THSD7B: variants seen among roughly 807,000 people sequenced by gnomAD.
THSD7B encodes thrombospondin type-1 domain-containing protein 7B.
THSD7B carries 138 observed loss-of-function variants against 213.6 expected under a neutral mutation model. The ratio of observed to expected loss-of-function variants is 0.65; its 90% CI spans 0.56 to 0.74. THSD7B has a LOEUF of 0.74. Among genes scored for constraint, THSD7B ranks in the 30% least tolerant of loss-of-function variants. The pLI is 0.00. For missense variants in THSD7B, 1,931 were observed against 1,991.5 expected, an observed-to-expected ratio of 0.97 and a Z score of 0.58; for synonymous variants, 742 against 687.0, an observed-to-expected ratio of 1.08 and a Z score of -1.25.
At chr2:137,046,986 C>T (rs1277413524) in intron 2 of THSD7B, among the ~76,000 whole-genome samples, 3 of 152,086 alleles carry the variant, frequency 2.0e-5, no homozygotes, top group African/African-American at 7.2e-5. Context: ...GAGCTTTTCA[C>T]ATGAAAATGA....
At chr2:137,242,791 C>T (rs1681941947) in intron 10 of THSD7B, among the ~76,000 whole-genome samples, 1 of 152,058 alleles carries the variant, frequency 6.6e-6, no homozygotes, top group Admixed American at 6.6e-5. Context: ...TGTCATAGTT[C>T]CACCTGCATG....
intron 7 of THSD7B, among the ~76,000 whole-genome samples, chr2:137,197,626 A>G (rs1028183889): frequency 6.6e-6 from 1 of 152,122 alleles, no homozygotes; most frequent in African/African-American, 2.4e-5. Flanking sequence ...CTTTATGAAG[A>G]TGAATGGGGG....
chr2:137,439,949 C>T (rs1234404497), intron 14 of THSD7B, among the ~76,000 whole-genome samples: 1 of 152,122 alleles, frequency 6.6e-6, no homozygotes, highest in Non-Finnish European at 1.5e-5. Context: ...CATTTTATTA[C>T]ATTATGAACT....
chr2:137,277,386 C>G (rs1385916337), intron 12 of THSD7B, among the ~76,000 whole-genome samples: 2 of 151,946 alleles, frequency 1.3e-5, no homozygotes, highest in Non-Finnish European at 2.9e-5. Flanking sequence ...AATTTGACAC[C>G]AACATTAGAG....
chr2:137,641,075 C>T (rs1682929644), intron 20 of THSD7B, among the ~76,000 whole-genome samples: 1 of 152,190 alleles, frequency 6.6e-6, no homozygotes, highest in Admixed American at 6.5e-5. Flanking sequence ...CCAGGGTTTT[C>T]AAGTAAATTC....
At chr2:137,397,435 G>T (rs1427805573) in intron 12 of THSD7B, among the ~76,000 whole-genome samples, 1 of 151,978 alleles carries the variant, frequency 6.6e-6, no homozygotes, top group Admixed American at 6.6e-5. Context: ...GCTTAGTTTG[G>T]CTGGATATGA....
intron 21 of THSD7B, among the ~76,000 whole-genome samples, chr2:137,652,621 C>T (rs1190027825): frequency 6.6e-6 from 1 of 151,992 alleles, no homozygotes; most frequent in Non-Finnish European, 1.5e-5. Context: ...TTTTGTAACT[C>T]CTCTTTTAGT....
At chr2:137,666,271 CA>C (rs761602966) in intron 26 of THSD7B, among the ~76,000 whole-genome samples, 19 of 152,066 alleles carry the variant, frequency 1.2e-4, no homozygotes, top group Non-Finnish European at 2.5e-4. Flanking sequence ...CATTCTCACT[CA>C]GGAAAGACTT....
chr2:137,003,531 A>G (rs192481426), intron 2 of THSD7B, among the ~76,000 whole-genome samples: 12 of 152,326 alleles, frequency 7.9e-5, no homozygotes, highest in Non-Finnish European at 1.3e-4. Context: ...TGTGAAGTAT[A>G]ATGTAAGATT....
chr2:137,659,814 T>A (rs1683309446), intron 25 of THSD7B, 68 bp downstream of exon 25: 1 of 1,464,634 alleles, frequency 6.8e-7, no homozygotes, highest in Admixed American at 2.2e-5. Context: ...AATCAGATGT[T>A]CTCCTGCCGG....
At position 137,164,878 on chromosome 2, in the gene THSD7B, C is replaced by T. The variant is rs568250828; in HGVS notation, c.1525+4510C>T. ...GGGAACATCACACACCGGGGCCTGT[C>T]GTGGGGTGGGGGAGAGGGGAGGAAT... is the stretch of plus-strand genomic sequence containing the variant. On this transcript the variant is annotated intron_variant, in intron 6 of 27. Transcript: ENST00000409968. 4.3e-4 allele frequency among the ~76,000 whole-genome samples: 65 copies of T among 151,840 alleles called. 1 individual carries two copies. Among genetic ancestry groups the T allele is most frequent in the African/African-American group, 8.7e-4 (36 of 41,414 alleles).
At chr2:137,151,190 AT>A (rs1558939269) in intron 5 of THSD7B, among the ~76,000 whole-genome samples, 1 of 152,206 alleles carries the variant, frequency 6.6e-6, no homozygotes, top group Non-Finnish European at 1.5e-5. Flanking sequence ...AAACTTCTCA[AT>A]TTTTAAAAAC....
chr2:137,551,810 A>G (rs1680853512), intron 15 of THSD7B, among the ~76,000 whole-genome samples: 1 of 152,088 alleles, frequency 6.6e-6, no homozygotes, highest in African/African-American at 2.4e-5. Context: ...TAGGTAAAAA[A>G]TCTAGTGTGT....
chr2:137,048,643 T>C (rs1285637571), intron 2 of THSD7B, among the ~76,000 whole-genome samples: 1 of 152,232 alleles, frequency 6.6e-6, no homozygotes, highest in East Asian at 1.9e-4. Context: ...TACGTATTTT[T>C]AAAGCTTGTA....
chr2:136,805,954 C>A (rs184373379), intron 1 of THSD7B, among the ~76,000 whole-genome samples: 425 of 152,316 alleles, frequency 2.8e-3, no homozygotes, highest in Middle Eastern at 0.02. Context: ...CTTTAATGAA[C>A]TCTCTTCATA....
intron 2 of THSD7B, among the ~76,000 whole-genome samples, chr2:136,908,324 A>G (rs1371364829): frequency 6.6e-6 from 1 of 152,222 alleles, no homozygotes; most frequent in East Asian, 1.9e-4. Context: ...TTGCTTTTAC[A>G]TGCTTTATTT....
chr2:136,844,349 C>G (rs1682966097), intron 1 of THSD7B, among the ~76,000 whole-genome samples: 1 of 151,990 alleles, frequency 6.6e-6, no homozygotes, highest in Admixed American at 6.6e-5. Context: ...ACTGGGGCCA[C>G]TTGGTGGAAG....
chr2:137,045,047 A>G (rs1395988021), intron 2 of THSD7B, among the ~76,000 whole-genome samples: 1 of 152,192 alleles, frequency 6.6e-6, no homozygotes, highest in African/African-American at 2.4e-5. Flanking sequence ...CTCAGTACTT[A>G]TGTACTGTGG....
chr2:137,360,600 C>T (rs1165772055), intron 12 of THSD7B, among the ~76,000 whole-genome samples: 3 of 152,052 alleles, frequency 2.0e-5, no homozygotes, highest in African/African-American at 4.8e-5. Flanking sequence ...ACCCACAGAG[C>T]CTTGCTCACT....
Sources: allele counts gnomAD v4.1 joint callset (sites outside exome capture counted in the v4.1 genomes callset), GRCh38; gene constraint gnomAD v4.1.1; transcripts MANE v1.5; gene names NCBI Gene and HGNC (gene_info 2026-07-23, HGNC 2026-07-21).